The following LRRTM4 variants were observed in gnomAD, a reference collection of about 807,000 sequenced individuals.
LRRTM4 encodes leucine rich repeat transmembrane neuronal 4, also known as leucine-rich repeat transmembrane neuronal protein 4.
LRRTM4 carries 25 observed loss-of-function variants against 47.6 expected under a neutral mutation model. The ratio of observed to expected loss-of-function variants is 0.53; its 90% CI spans 0.38 to 0.73. The LOEUF (loss-of-function observed/expected upper bound fraction) is 0.73. LRRTM4 is among the 30% of genes least tolerant of loss of function. The pLI is 0.00. For missense variants in LRRTM4, 638 were observed against 713.4 expected (o/e 0.89, Z 1.20); for synonymous variants, 311 against 269.5 (o/e 1.15, Z -1.51).
chr2:77,146,645 A>C (rs946058152), intron 3 of LRRTM4, among the ~76,000 whole-genome samples: 7 of 152,146 alleles, frequency 4.6e-5, no homozygotes, highest in Admixed American at 3.3e-4. Context: ...AAAGTCACAG[A>C]TTTATATGAG....
intron 3 of LRRTM4, among the ~76,000 whole-genome samples, chr2:77,159,171 T>C (rs1341422758): frequency 6.8e-6 from 1 of 147,152 alleles, no homozygotes; most frequent in Non-Finnish European, 1.5e-5. Context: ...CAACAGGTGA[T>C]TTAGCGGTGC....
chr2:77,089,599 ACTCT>A (rs769323649), intron 3 of LRRTM4, among the ~76,000 whole-genome samples: 3 of 144,052 alleles, frequency 2.1e-5, no homozygotes, highest in Non-Finnish European at 3.0e-5. Flanking sequence ...CTGTTTCTCT[ACTCT>A]CTCTTTTCTC....
intron 3 of LRRTM4, among the ~76,000 whole-genome samples, chr2:77,252,288 T>C (rs569217021): frequency 7.2e-4 from 109 of 152,260 alleles, no homozygotes; most frequent in Middle Eastern, 6.8e-3. Flanking sequence ...GGATCCTGCA[T>C]TGGCATATAT....
At position 76,958,207 on chromosome 2, in the gene LRRTM4, C is replaced by T. The variant is rs114430338; in HGVS notation, c.1552-209291G>A. Among the ~76,000 whole-genome samples the T allele has an allele frequency of 7.7e-3, 1,163 of 151,834 alleles. 15 individuals carry two copies. The highest frequency in any genetic ancestry group is 0.027 in the African/African-American group (1,108 of 41,502). On this transcript the variant is annotated intron_variant, in intron 3 of 3. Transcript: ENST00000409884. ...TGCACTCAGTGGCCAGGCAGAGGGC[C>T]ATGTCATCATAATAATGCCAAATTT... is the stretch of plus-strand genomic sequence containing the variant.
At chr2:77,103,137 A>C (rs1671000703) in intron 3 of LRRTM4, among the ~76,000 whole-genome samples, 1 of 152,184 alleles carries the variant, frequency 6.6e-6, no homozygotes, top group Non-Finnish European at 1.5e-5. Flanking sequence ...CATAGCATCC[A>C]TTCCAGGTTT....
intron 3 of LRRTM4, among the ~76,000 whole-genome samples, chr2:77,264,826 C>T (rs1676008826): frequency 6.6e-6 from 1 of 152,016 alleles, no homozygotes; most frequent in South Asian, 2.1e-4. Context: ...ATAAGAATTG[C>T]CTCTATGAAA....
At chr2:77,253,587 G>A (rs7568608) in intron 3 of LRRTM4, among the ~76,000 whole-genome samples, 18,718 of 152,040 alleles carry the variant, frequency 0.12, 3,861 homozygotes, top group African/African-American at 0.42. Flanking sequence ...AACTTGAAAA[G>A]GAAATGACAA....
intron 3 of LRRTM4, among the ~76,000 whole-genome samples, chr2:77,004,256 G>A (rs970698267): frequency 2.0e-5 from 3 of 152,146 alleles, no homozygotes; most frequent in Non-Finnish European, 4.4e-5. Context: ...AAGCTCAGAC[G>A]CCTAGGAGGG....
At chr2:77,406,795 ATT>A (rs1674206598) in intron 3 of LRRTM4, among the ~76,000 whole-genome samples, 1 of 152,176 alleles carries the variant, frequency 6.6e-6, no homozygotes. Context: ...AGTAGAAAAC[ATT>A]TCTTTTCCTG....
chr2:77,421,834 C>T (rs1674908336), intron 3 of LRRTM4, among the ~76,000 whole-genome samples: 1 of 152,100 alleles, frequency 6.6e-6, no homozygotes, highest in Admixed American at 6.5e-5. Context: ...CTTGAGATAA[C>T]GATATACAAT....
intron 3 of LRRTM4, among the ~76,000 whole-genome samples, chr2:76,832,783 C>T (rs940300595): frequency 1.3e-5 from 2 of 151,942 alleles, no homozygotes. Context: ...ACAAAGAGAA[C>T]TATAAGTTTA....
At chr2:77,318,333 C>T (rs953795663) in intron 3 of LRRTM4, among the ~76,000 whole-genome samples, 3 of 152,064 alleles carry the variant, frequency 2.0e-5, no homozygotes, top group African/African-American at 4.8e-5. Flanking sequence ...ATTTAAAACA[C>T]ATTTGCATGG....
At chr2:77,394,290 C>A (rs1673616965) in intron 3 of LRRTM4, among the ~76,000 whole-genome samples, 1 of 151,932 alleles carries the variant, frequency 6.6e-6, no homozygotes, top group Non-Finnish European at 1.5e-5. Context: ...AAGAAATAAT[C>A]ATTATAGCAT....
intron 3 of LRRTM4, among the ~76,000 whole-genome samples, chr2:77,040,412 C>CA (rs1345815189): frequency 6.6e-6 from 1 of 151,196 alleles, no homozygotes; most frequent in African/African-American, 2.4e-5. Flanking sequence ...AAGGTCATAT[C>CA]ATATGAAGCT....
intron 3 of LRRTM4, among the ~76,000 whole-genome samples, chr2:76,886,480 T>C (rs565755100): frequency 6.6e-6 from 1 of 152,192 alleles, no homozygotes; most frequent in South Asian, 2.1e-4. Context: ...TTTATAAAAC[T>C]GTTCTATCCA....
chr2:77,325,012 G>A (rs933623222), intron 3 of LRRTM4, among the ~76,000 whole-genome samples: 1 of 152,118 alleles, frequency 6.6e-6, no homozygotes, highest in African/African-American at 2.4e-5. Context: ...AGATGTTATA[G>A]TATTCCATGC....
chr2:76,836,871 C>A (rs1671530259), intron 3 of LRRTM4, among the ~76,000 whole-genome samples: 1 of 152,016 alleles, frequency 6.6e-6, no homozygotes, highest in South Asian at 2.1e-4. Context: ...TTAGGCCGGT[C>A]TAAGAGAAAT....
chr2:76,922,984 A>G (rs1318313076), intron 3 of LRRTM4, among the ~76,000 whole-genome samples: 1 of 152,146 alleles, frequency 6.6e-6, no homozygotes, highest in Non-Finnish European at 1.5e-5. Flanking sequence ...TTAATTTACT[A>G]TAAATTAGCT....
chr2:77,046,138 A>C (rs1679228349), intron 3 of LRRTM4, among the ~76,000 whole-genome samples: 1 of 151,982 alleles, frequency 6.6e-6, no homozygotes, highest in Non-Finnish European at 1.5e-5. Flanking sequence ...TAAAACTCAC[A>C]TCTTGGTTTG....
Sources: allele counts gnomAD v4.1 joint callset (sites outside exome capture counted in the v4.1 genomes callset), GRCh38; gene constraint gnomAD v4.1.1; transcripts MANE v1.5; gene names NCBI Gene and HGNC (gene_info 2026-07-23, HGNC 2026-07-21).